Variants in ERC2 observed in about 807,000 individuals in gnomAD.
The protein encoded by ERC2 is ELKS/RAB6-interacting/CAST family member 2.
Under a neutral mutation model 114.8 loss-of-function variants are expected in ERC2, and 42 were observed. The ratio of observed to expected loss-of-function variants is 0.37; its 90% CI spans 0.29 to 0.47. The LOEUF (loss-of-function observed/expected upper bound fraction) is 0.47. Among genes scored for constraint, ERC2 ranks in the 20% least tolerant of loss-of-function variants. ERC2 has a pLI of 0.99. For missense variants in ERC2, 939 were observed against 1,150.7 expected, an observed-to-expected ratio of 0.82 and a Z score of 2.66; for synonymous variants, 454 against 425.5, an observed-to-expected ratio of 1.07 and a Z score of -0.82.
At chr3:55,852,107 C>A (rs924702995) in intron 14 of ERC2, among the ~76,000 whole-genome samples, 1 of 152,120 alleles carries the variant, frequency 6.6e-6, no homozygotes, top group African/African-American at 2.4e-5. Flanking sequence ...CTAATCCCAG[C>A]TACTCAGGAG....
chr3:55,525,334 T>C (rs2053240916), intron 17 of ERC2, among the ~76,000 whole-genome samples: 1 of 152,146 alleles, frequency 6.6e-6, no homozygotes, highest in African/African-American at 2.4e-5. Flanking sequence ...GAGTAGGACA[T>C]AAACCCTAAT....
intron 2 of ERC2, among the ~76,000 whole-genome samples, chr3:56,426,392 T>C (rs527869323): frequency 6.6e-6 from 1 of 152,330 alleles, no homozygotes; most frequent in African/African-American, 2.4e-5. Flanking sequence ...GAGCAGCCTT[T>C]CCCAAAGTGT....
intron 17 of ERC2, among the ~76,000 whole-genome samples, chr3:55,566,203 C>T (rs2056362353): frequency 6.6e-6 from 1 of 152,096 alleles, no homozygotes; most frequent in African/African-American, 2.4e-5. Context: ...TTGAGCAAAC[C>T]CATAATGTCC....
chr3:55,808,728 T>A (rs1559689276), intron 14 of ERC2, among the ~76,000 whole-genome samples: 3 of 115,034 alleles, frequency 2.6e-5, no homozygotes, highest in Non-Finnish European at 5.3e-5. Context: ...TATATATATA[T>A]ATATATATAT....
intron 17 of ERC2, among the ~76,000 whole-genome samples, chr3:55,631,258 C>A (rs951531519): frequency 6.6e-6 from 1 of 151,968 alleles, no homozygotes; most frequent in Non-Finnish European, 1.5e-5. Flanking sequence ...GTACCAGGGA[C>A]ACAATGGGCT....
intron 1 of ERC2, among the ~76,000 whole-genome samples, chr3:56,460,466 GA>G (rs1279965043): frequency 6.6e-6 from 1 of 152,126 alleles, no homozygotes; most frequent in Non-Finnish European, 1.5e-5. Flanking sequence ...TGCCTTTATG[GA>G]ACTTATCAAA....
At chr3:56,127,667 G>A (rs2079954444) in intron 6 of ERC2, among the ~76,000 whole-genome samples, 4 of 151,414 alleles carry the variant, frequency 2.6e-5, no homozygotes, top group Admixed American at 2.6e-4. Context: ...AGGTTGCTAT[G>A]AGCCAAGATC....
chr3:55,807,660 G>A (rs553396560), intron 14 of ERC2, among the ~76,000 whole-genome samples: 2 of 152,174 alleles, frequency 1.3e-5, no homozygotes, highest in Non-Finnish European at 1.5e-5. Flanking sequence ...CCATCTGCTC[G>A]AGATGGAGGA....
In ERC2 at chr3:55,806,352, A is replaced by G. The variant is rs1433415097; in HGVS notation, c.2565-71434T>C. ...TCAAAAAAAAAAAAAGCAAAGAAGA[A>G]AAAAGAAGGAAGAAGAAGAAAGAAG... On this transcript the variant is annotated intron_variant, in intron 14 of 17. Transcript: ENST00000288221. Among the ~76,000 whole-genome samples, 5 of 151,884 alleles carry G rather than the reference A, an allele frequency of 3.3e-5. No homozygotes were observed. The East Asian group carries it at 9.6e-4, about 29-fold the overall frequency.
At chr3:56,376,005 A>G (rs1195206303) in intron 2 of ERC2, among the ~76,000 whole-genome samples, 3 of 152,142 alleles carry the variant, frequency 2.0e-5, no homozygotes, top group African/African-American at 7.2e-5. Flanking sequence ...AAGGAACTGA[A>G]TCCTTCCAAC....
At chr3:55,531,278 A>G (rs1461398784) in intron 17 of ERC2, among the ~76,000 whole-genome samples, 1 of 152,180 alleles carries the variant, frequency 6.6e-6, no homozygotes, top group Non-Finnish European at 1.5e-5. Context: ...ATTGGTTACC[A>G]ACACAATTTG....
At chr3:56,415,213 A>G (rs1225563257) in intron 2 of ERC2, among the ~76,000 whole-genome samples, 1 of 152,220 alleles carries the variant, frequency 6.6e-6, no homozygotes, top group Non-Finnish European at 1.5e-5. Flanking sequence ...CAACAACTGT[A>G]TACTAAAAAA....
intron 14 of ERC2, among the ~76,000 whole-genome samples, chr3:55,842,680 T>C (rs1257394686): frequency 6.6e-6 from 1 of 151,864 alleles, no homozygotes; most frequent in Non-Finnish European, 1.5e-5. Context: ...AACCATCCCA[T>C]TACCTCAGTG....
intron 6 of ERC2, among the ~76,000 whole-genome samples, chr3:56,082,340 C>A (rs1193235133): frequency 6.6e-6 from 1 of 152,130 alleles, no homozygotes; most frequent in Non-Finnish European, 1.5e-5. Flanking sequence ...AGCACGATGG[C>A]ACCATATATG....
chr3:55,834,376 C>T (rs2060772334), intron 14 of ERC2, among the ~76,000 whole-genome samples: 1 of 152,088 alleles, frequency 6.6e-6, no homozygotes, highest in Non-Finnish European at 1.5e-5. Flanking sequence ...CTCTCCTCAG[C>T]AAATGTAAAA....
intron 2 of ERC2, among the ~76,000 whole-genome samples, chr3:56,385,243 C>T (rs1236175658): frequency 5.9e-5 from 9 of 152,092 alleles, no homozygotes; most frequent in Admixed American, 2.6e-4. Context: ...TGAGGGGTTA[C>T]CTTTTGGTTC....
chr3:56,066,613 C>T (rs1389153570), intron 7 of ERC2, among the ~76,000 whole-genome samples: 1 of 152,170 alleles, frequency 6.6e-6, no homozygotes, highest in East Asian at 1.9e-4. Flanking sequence ...ATGATGTCAT[C>T]ATAAAATCTT....
At chr3:55,735,307 A>G (rs2065563787) in intron 14 of ERC2, among the ~76,000 whole-genome samples, 1 of 152,234 alleles carries the variant, frequency 6.6e-6, no homozygotes, top group South Asian at 2.1e-4. Flanking sequence ...AGACTGCATA[A>G]TTTATAAAGA....
At position 56,433,201 on chromosome 3, in the gene ERC2, AG is replaced by A. The variant is rs1456363991; in HGVS notation, c.657+1149del. Reference sequence around the variant, plus strand: ...CTTAAAAAAAAAAAAAAAGAGAGAGAGAGAGAGAGAGAGCAAGAGATGAAGC... The same window carrying A: ...CTTAAAAAAAAAAAAAAAGAGAGAGAAGAGAGAGAGAGCAAGAGATGAAGC... On this transcript the variant is annotated intron_variant, in intron 2 of 17. Transcript: ENST00000288221. Among the ~76,000 whole-genome samples the A allele has an allele frequency of 6.4e-4, 87 of 135,446 alleles. 1 individual carries two copies. In the East Asian group the frequency reaches 0.015, roughly 23 times the overall value. The allele number at this position is 135,446 out of a possible 152,430, so 88.9% of individuals were successfully genotyped here.
Sources: allele counts gnomAD v4.1 joint callset (sites outside exome capture counted in the v4.1 genomes callset), GRCh38; gene constraint gnomAD v4.1.1; transcripts MANE v1.5; gene names NCBI Gene and HGNC (gene_info 2026-07-23, HGNC 2026-07-21).